Variants in PLD1 observed in about 807,000 individuals in gnomAD.
The protein encoded by PLD1 is phospholipase D1.
Under a neutral mutation model 137.1 loss-of-function variants are expected in PLD1, and 112 were observed. The observed-to-expected ratio is 0.82, with a 90% CI of 0.70 to 0.96. The LOEUF is 0.96. Ranked by LOEUF, PLD1 falls within the 40% of genes least tolerant of loss-of-function variation. The probability of loss-of-function intolerance (pLI) is 0.00; values close to 1 mark genes in which losing one functional copy is unlikely to be tolerated. For synonymous variants in PLD1, 431 were observed against 454.7 expected (o/e 0.95, Z 0.66); for missense variants, 1,321 against 1,342.0 (o/e 0.98, Z 0.24).
At chr3:171,807,687 G>A (rs1048480560) in intron 1 of PLD1, among the ~76,000 whole-genome samples, 5 of 152,140 alleles carry the variant, frequency 3.3e-5, no homozygotes, top group South Asian at 4.1e-4. Context: ...AACTCAAAAC[G>A]GAACTACCAT....
At chr3:171,722,930 C>A (rs1159288229) in intron 8 of PLD1, among the ~76,000 whole-genome samples, 2 of 152,040 alleles carry the variant, frequency 1.3e-5, no homozygotes, top group Non-Finnish European at 2.9e-5. Context: ...TTGATACAAG[C>A]ATATAATGTG....
At chr3:171,695,372 T>C (rs1715590096) in intron 12 of PLD1, among the ~76,000 whole-genome samples, 1 of 152,216 alleles carries the variant, frequency 6.6e-6, no homozygotes, top group Non-Finnish European at 1.5e-5. Flanking sequence ...ATAGGAGAAG[T>C]AGAAAAACAG....
intron 23 of PLD1, among the ~76,000 whole-genome samples, chr3:171,626,573 A>C (rs1489139534): frequency 6.6e-6 from 1 of 152,192 alleles, no homozygotes; most frequent in Non-Finnish European, 1.5e-5. Context: ...AGTTGAAATG[A>C]AGGAAAAAAT....
At chr3:171,621,589 A>G (rs1345688194) in intron 23 of PLD1, among the ~76,000 whole-genome samples, 2 of 152,186 alleles carry the variant, frequency 1.3e-5, no homozygotes, top group South Asian at 2.1e-4. Flanking sequence ...TTCATAGGTT[A>G]TGTATAGAGA....
At chr3:171,792,907 G>A (rs1723276465) in intron 1 of PLD1, 1 of 325,830 alleles carries the variant, frequency 3.1e-6, no homozygotes. Flanking sequence ...CATCAACAAG[G>A]AAGCCAAAGC....
At position 171,688,663 on chromosome 3, in the gene PLD1, TA is replaced by T. The variant is rs1449443190; in HGVS notation, c.1539+12del. The stretch of plus-strand genomic sequence containing the variant: ...TCGTGTTATACATTTCCATAAAGGT[TA>T]AATATACTTACTGGGAGGGAACCCA... On this transcript the variant is annotated intron_variant, in intron 14 of 26. Coordinates refer to ENST00000351298, the MANE Select transcript of PLD1 (RefSeq NM_002662.5). 2 of 1,590,354 alleles carry T rather than the reference TA, an allele frequency of 1.3e-6. No homozygotes were observed. The highest frequency in any genetic ancestry group is 1.1e-5 in the South Asian group (1 of 90,576).
chr3:171,761,746 A>C (rs1037701469), intron 1 of PLD1, among the ~76,000 whole-genome samples: 2 of 152,324 alleles, frequency 1.3e-5, no homozygotes, highest in African/African-American at 2.4e-5. Flanking sequence ...TCTGTGAAGA[A>C]TGTTCCAGTT....
At chr3:171,677,779 T>A in intron 16 of PLD1, 85 bp from the exon 17 acceptor site, 2 of 1,313,578 alleles carry the variant, frequency 1.5e-6, no homozygotes, top group Non-Finnish European at 2.1e-6. Context: ...ATTAAACACC[T>A]AAAAGCTTCT....
chr3:171,659,171 CAAG>C, intron 21 of PLD1, 39 bp downstream of exon 21: 1 of 1,263,032 alleles, frequency 7.9e-7, no homozygotes, highest in South Asian at 1.2e-5. Flanking sequence ...GTAATAAATA[CAAG>C]AACATCTGCA....
chr3:171,765,451 C>A (rs952197380), intron 1 of PLD1: 9 of 152,174 alleles, frequency 5.9e-5, no homozygotes, highest in African/African-American at 1.9e-4. Context: ...TTTCAAACAT[C>A]ATTAGGTAAG....
chr3:171,783,762 C>G (rs756792247), intron 1 of PLD1, among the ~76,000 whole-genome samples: 35 of 152,104 alleles, frequency 2.3e-4, no homozygotes, highest in Non-Finnish European at 5.0e-4. Flanking sequence ...CCCACCTCAT[C>G]CTCCCGAGTA....
chr3:171,682,156 GAAAGAAAGAAAAAGAAA>G (rs1714063920), intron 16 of PLD1, among the ~76,000 whole-genome samples: 1 of 63,812 alleles, frequency 1.6e-5, no homozygotes, highest in East Asian at 3.2e-4. Flanking sequence ...AAGAAAGAAA[GAAAGAAAGAAAAAGAAA>G]GAAAGAAAGA....
At chr3:171,689,369 G>T (rs1378192089) in intron 13 of PLD1, among the ~76,000 whole-genome samples, 2 of 152,158 alleles carry the variant, frequency 1.3e-5, no homozygotes, top group Non-Finnish European at 2.9e-5. Flanking sequence ...GGTACCTTGA[G>T]AAGTTAGTAA....
At chr3:171,628,514 G>A (rs1734345394) in intron 23 of PLD1, among the ~76,000 whole-genome samples, 1 of 151,974 alleles carries the variant, frequency 6.6e-6, no homozygotes, top group Non-Finnish European at 1.5e-5. Flanking sequence ...CATTTTATGA[G>A]GCCAGCATCA....
Position 171,768,977 on chromosome 3 carries a change from T to C in PLD1, c.-31-30895A>G, listed in dbSNP as rs1039097385. On this transcript the variant is annotated intron_variant, in intron 1 of 26. Coordinates refer to ENST00000351298, the MANE Select transcript of PLD1 (RefSeq NM_002662.5). ...CAGTCCAGCAGAATGAGAGCAAGAA[T>C]GCAATGTGTGTTCCAAACCTAGAAT... is the stretch of plus-strand genomic sequence containing the variant. 2.6e-5 allele frequency among the ~76,000 whole-genome samples: 4 copies of C among 152,228 alleles called. 1 individual carries two copies. The highest frequency in any genetic ancestry group is 6.5e-5 in the Admixed American group (1 of 15,284).
intron 23 of PLD1, among the ~76,000 whole-genome samples, chr3:171,637,246 T>C (rs915939858): frequency 1.3e-5 from 2 of 152,220 alleles, no homozygotes; most frequent in Admixed American, 1.3e-4. Flanking sequence ...CTTTCTTTTC[T>C]TTTCTTTTGA....
intron 23 of PLD1, among the ~76,000 whole-genome samples, chr3:171,621,420 AT>A (rs373156874): frequency 4.6e-5 from 7 of 151,370 alleles, no homozygotes; most frequent in East Asian, 1.9e-4. Flanking sequence ...GAGAGCATAC[AT>A]TTTTTTTTGT....
At chr3:171,647,752 T>G (rs565966912) in intron 21 of PLD1, among the ~76,000 whole-genome samples, 1 of 152,252 alleles carries the variant, frequency 6.6e-6, no homozygotes, top group South Asian at 2.1e-4. Flanking sequence ...GCCCCCATTT[T>G]TAAGTGTACA....
intron 1 of PLD1, among the ~76,000 whole-genome samples, chr3:171,764,870 A>AGGAAGGAAGGAAGGAAG (rs1312215483): frequency 3.8e-5 from 1 of 26,304 alleles, no homozygotes; most frequent in Non-Finnish European, 8.1e-5. Context: ...AAAGAAAGAA[A>AGGAAGGAAGGAAGGAAG]GAAAGAAAGA....
Sources: gnomAD v4.1 joint callset for allele counts (sites outside exome capture counted in the v4.1 genomes callset) on GRCh38, gnomAD v4.1.1 for gene constraint, MANE v1.5 for transcripts, NCBI Gene and HGNC (gene_info 2026-07-23, HGNC 2026-07-21) for gene names.